Variants in FTO observed in about 807,000 individuals in gnomAD.
FTO encodes the protein FTO alpha-ketoglutarate dependent dioxygenase.
A neutral mutation model predicts 63.9 loss-of-function variants in FTO; 47 were observed. The ratio of observed to expected loss-of-function variants is 0.74; its 90% confidence interval spans 0.58 to 0.94. The LOEUF (loss-of-function observed/expected upper bound fraction) is 0.94, where lower values mean the gene tolerates loss of function less well. FTO is among the 40% of genes least tolerant of loss of function. The probability of loss-of-function intolerance (pLI) is 0.00; values close to 1 mark genes in which losing one functional copy is unlikely to be tolerated. For synonymous variants in FTO, 207 were observed against 224.4 expected (o/e 0.92, Z 0.69); for missense variants, 562 against 618.1 (o/e 0.91, Z 0.96).
intron 1 of FTO, among the ~76,000 whole-genome samples, chr16:53,721,525 T>C (rs2076040986): frequency 6.6e-6 from 1 of 152,218 alleles, no homozygotes; most frequent in Non-Finnish European, 1.5e-5. Context: ...TCTCTTGCAC[T>C]GAGATTTATT....
intron 7 of FTO, among the ~76,000 whole-genome samples, chr16:53,909,086 C>T (rs907722402): frequency 2.0e-5 from 3 of 152,128 alleles, no homozygotes; most frequent in African/African-American, 7.2e-5. Context: ...TGGGATGATG[C>T]CCAGTTTGCC....
At chr16:54,069,538 T>A (rs2085812764) in intron 8 of FTO, among the ~76,000 whole-genome samples, 1 of 152,208 alleles carries the variant, frequency 6.6e-6, no homozygotes, top group African/African-American at 2.4e-5. Flanking sequence ...CCAAGAGTGA[T>A]TATATCTGAG....
At chr16:53,984,643 A>G (rs1599144183) in intron 8 of FTO, among the ~76,000 whole-genome samples, 1 of 152,146 alleles carries the variant, frequency 6.6e-6, no homozygotes, top group East Asian at 1.9e-4. Context: ...TTTTTAAAGT[A>G]CATTGTGAGG....
chr16:54,074,191 C>G (rs1250764436), intron 8 of FTO, among the ~76,000 whole-genome samples: 1 of 151,294 alleles, frequency 6.6e-6, no homozygotes, highest in African/African-American at 2.4e-5. Flanking sequence ...TTACTTATAT[C>G]TAAGGTTACT....
At chr16:53,941,294 T>C (rs759970623) in intron 8 of FTO, among the ~76,000 whole-genome samples, 25 of 152,216 alleles carry the variant, frequency 1.6e-4, no homozygotes, top group Admixed American at 6.5e-4. Flanking sequence ...TTTACTTTAA[T>C]GTGGAGGTGG....
chr16:53,783,837 T>C (rs2077659046), intron 1 of FTO, among the ~76,000 whole-genome samples: 1 of 152,208 alleles, frequency 6.6e-6, no homozygotes. Flanking sequence ...ATCCTATGTC[T>C]TTTACCTTCC....
In FTO at chr16:54,102,647, G is replaced by T. The variant is rs78762431; in HGVS notation, c.1365-9115G>T. Among the ~76,000 whole-genome samples the T allele has an allele frequency of 4.1e-4, 63 of 152,280 alleles. 1 individual carries two copies. In the East Asian group the frequency reaches 9.2e-3, roughly 22 times the overall value. ...TAGGTCATGTAGGTGCTGAGGGAAA[G>T]AATTGGGAACTGTGAAAACCATTGT... On this transcript the variant is annotated intron_variant, in intron 8 of 8. Coordinates refer to ENST00000471389, the MANE Select transcript of FTO (RefSeq NM_001080432.3).
chr16:54,059,890 TTAG>T (rs2085528782), intron 8 of FTO, among the ~76,000 whole-genome samples: 1 of 142,684 alleles, frequency 7.0e-6, no homozygotes, highest in Admixed American at 6.7e-5. Context: ...AAAACTATAA[TTAG>T]TTTTTTTTTG....
chr16:54,067,139 GT>G (rs5816920), intron 8 of FTO, among the ~76,000 whole-genome samples: 121,676 of 144,686 alleles, frequency 0.84, 51,233 homozygotes, highest in East Asian at 0.95. Context: ...GGTTGTTGTT[GT>G]TTTTTTTTTG....
intron 4 of FTO, among the ~76,000 whole-genome samples, chr16:53,860,648 T>G (rs2080145845): frequency 6.6e-6 from 1 of 151,952 alleles, no homozygotes; most frequent in Admixed American, 6.6e-5. Context: ...AACCACCTGA[T>G]CTTGTGAGAA....
chr16:53,887,679 G>A (rs2081035844), intron 6 of FTO, among the ~76,000 whole-genome samples: 1 of 152,144 alleles, frequency 6.6e-6, no homozygotes, highest in South Asian at 2.1e-4. Context: ...TGAAATGCTT[G>A]GCCAATAAGT....
At chr16:53,979,387 A>G (rs1440737397) in intron 8 of FTO, 2 of 398,620 alleles carry the variant, frequency 5.0e-6, no homozygotes, top group Non-Finnish European at 8.8e-6. Context: ...GGACCAATTT[A>G]CAGATTCATC....
chr16:53,843,101 A>T (rs988879248), intron 3 of FTO, among the ~76,000 whole-genome samples: 1 of 152,142 alleles, frequency 6.6e-6, no homozygotes, highest in Non-Finnish European at 1.5e-5. Context: ...GTCTGGAGAG[A>T]TCATAATTTA....
At chr16:54,104,068 C>T (rs2689264) in intron 8 of FTO, among the ~76,000 whole-genome samples, 32,204 of 152,008 alleles carry the variant, frequency 0.21, 3,954 homozygotes, top group African/African-American at 0.33. Flanking sequence ...TCTTTACACC[C>T]TGGAATCACT....
At chr16:53,753,265 A>AT (rs1349697888) in intron 1 of FTO, among the ~76,000 whole-genome samples, 12 of 151,652 alleles carry the variant, frequency 7.9e-5, no homozygotes, top group Admixed American at 7.9e-4. Context: ...AAAAAAAAAA[A>AT]AAACAAAACA....
rs10468281 is a variant in FTO at position 53,892,854 on chromosome 16, G to C, written c.1239+3903G>C. Among the ~76,000 whole-genome samples, 425 of 151,958 alleles carry C rather than the reference G, an allele frequency of 2.8e-3. 3 individuals are homozygous for C. The highest frequency in any genetic ancestry group is 8.6e-3 in the African/African-American group (358 of 41,410). On this transcript the variant is annotated intron_variant, in intron 7 of 8. Coordinates refer to ENST00000471389, the MANE Select transcript of FTO (RefSeq NM_001080432.3). ...AAGGTGTAGTCTCAGGAAGGATATA[G>C]AAGAATGGAAAATGAGCTTTGAAAT...
intron 8 of FTO, among the ~76,000 whole-genome samples, chr16:54,018,639 G>A (rs80309922): frequency 2.0e-5 from 3 of 152,214 alleles, no homozygotes; most frequent in East Asian, 1.9e-4. Flanking sequence ...TGCTAGTCTC[G>A]TGATAGTGAG....
At chr16:53,772,928 T>C (rs1352215695) in intron 1 of FTO, among the ~76,000 whole-genome samples, 1 of 152,098 alleles carries the variant, frequency 6.6e-6, no homozygotes, top group Non-Finnish European at 1.5e-5. Flanking sequence ...TCAAAGCCTT[T>C]AGTTCTTTTC....
In FTO at chr16:53,883,622, C is replaced by CAAAAAAAAAAAAA. The variant is rs36010057; in HGVS notation, c.1119+3636_1119+3648dup. On this transcript the variant is annotated intron_variant, in intron 6 of 8. Coordinates refer to ENST00000471389, the MANE Select transcript of FTO (RefSeq NM_001080432.3). ...GGGCAACAAGGGCGAAACTCTATCT[C>CAAAAAAAAAAAAA]AAAAAAAAAAAAACAAAAAAAAAAA... Among the ~76,000 whole-genome samples, 27 of 59,318 alleles carry CAAAAAAAAAAAAA rather than the reference C, an allele frequency of 4.6e-4. 1 individual carries two copies. Among genetic ancestry groups the CAAAAAAAAAAAAA allele is most frequent in the African/African-American group, 2.2e-3 (26 of 11,928 alleles). 38.9% of individuals were successfully genotyped at this position (59,318 alleles called of 152,430 possible). A position where few individuals can be genotyped will look rare whatever the true frequency, so the allele number is the denominator to read the frequency against.
Sources: allele counts gnomAD v4.1 joint callset (sites outside exome capture counted in the v4.1 genomes callset), GRCh38; gene constraint gnomAD v4.1.1; transcripts MANE v1.5; gene names NCBI Gene and HGNC (gene_info 2026-07-23, HGNC 2026-07-21).